The following CHD1L variants were observed in gnomAD, a reference collection of about 807,000 sequenced individuals.
CHD1L encodes the protein chromodomain helicase DNA binding protein 1 like, also known as ATP-dependent chromatin remodeler CHD1L.
In CHD1L, 118 loss-of-function variants were observed where a neutral mutation model predicts 115.9. The observed-to-expected ratio is 1.02, with a 90% confidence interval of 0.88 to 1.19. CHD1L has a LOEUF of 1.19. Among genes scored for constraint, CHD1L ranks in the 50% most tolerant of loss-of-function variants. The probability of loss-of-function intolerance (pLI) is 0.00; values close to 1 mark genes in which losing one functional copy is unlikely to be tolerated. For synonymous variants in CHD1L, 411 were observed against 387.1 expected (o/e 1.06, Z -0.72); for missense variants, 1,179 against 1,065.3 (o/e 1.11, Z -1.49).
chr1:147,232,710 G>A, the CHD1L span, among the ~76,000 whole-genome samples: 12 of 150,304 alleles, frequency 8.0e-5, no homozygotes, highest in Non-Finnish European at 1.3e-4. Context: ...TGTGTTGGCC[G>A]GGCTGGTCTC....
At chr1:147,268,553 A>C (rs1674871213) in intron 9 of CHD1L, among the ~76,000 whole-genome samples, 1 of 152,130 alleles carries the variant, frequency 6.6e-6, no homozygotes, top group Admixed American at 6.5e-5. Flanking sequence ...CTTGACCTTT[A>C]GCATCTTCTT....
chr1:147,294,314 G>A, intron 21 of CHD1L, 95 bp from the exon 22 acceptor site: 1 of 720,346 alleles, frequency 1.4e-6, no homozygotes, highest in Non-Finnish European at 2.2e-6. Flanking sequence ...TGGGCTTTGA[G>A]GGAGATAGTC....
At chr1:147,273,118 G>A (rs1443802749) in intron 12 of CHD1L, among the ~76,000 whole-genome samples, 4 of 152,110 alleles carry the variant, frequency 2.6e-5, no homozygotes, top group Non-Finnish European at 5.9e-5. Flanking sequence ...CAGGAGAACC[G>A]CTGGAATCCA....
At chr1:147,252,536 T>C in intron 1 of CHD1L, 87 bp from the exon 2 acceptor site, 1 of 979,978 alleles carries the variant, frequency 1.0e-6, no homozygotes, top group Non-Finnish European at 1.6e-6. Flanking sequence ...GAATTTAGGC[T>C]GTGTTCCTCA....
the CHD1L span, among the ~76,000 whole-genome samples, chr1:147,193,347 G>T: frequency 6.6e-6 from 1 of 152,054 alleles, no homozygotes; most frequent in Admixed American, 6.5e-5. Flanking sequence ...TGTGGGATCG[G>T]TGGTGATATC....
At chr1:147,226,239 G>A in the CHD1L span, among the ~76,000 whole-genome samples, 1 of 151,588 alleles carries the variant, frequency 6.6e-6, no homozygotes, top group Non-Finnish European at 1.5e-5. Flanking sequence ...TTCCGCCCCC[G>A]GCTCACCTAT....
chr1:147,242,721 T>A lies in CHD1L; in HGVS notation c.18T>A (p.Ala6=). MERAG[A]TSRGGQAPGF... ...CCGGCCCGATGGAGCGCGCGGGCGC[T>A]ACTAGCCGCGGGGGCCAAGCCCCTG... The change falls in exon 1 of 23, where the codon GCT becomes GCA. Residue 6 remains alanine, a synonymous_variant. Transcript: ENST00000369258. 1 of 1,257,846 alleles carries A rather than the reference T, an allele frequency of 8.0e-7. No individual in the cohort carries two copies. The highest frequency in any genetic ancestry group is 1.0e-6 in the Non-Finnish European group (1 of 996,904). The allele number at this position is 1,257,846 out of a possible 1,614,324, so 77.9% of individuals were successfully genotyped here. A position where few individuals can be genotyped will look rare whatever the true frequency, so the allele number is the denominator to read the frequency against.
At chr1:147,197,345 C>G in the CHD1L span, among the ~76,000 whole-genome samples, 1 of 152,104 alleles carries the variant, frequency 6.6e-6, no homozygotes, top group Non-Finnish European at 1.5e-5. Context: ...TACTGGAGCA[C>G]TTGTTTAGGA....
rs1295844809 is a variant in CHD1L, at chr1:147,254,851, T to C, written c.241-19T>C. ...TGGGGAAATGTGATCAAAACTGCCT[T>C]TCTTTTTCTGTGTTCCAGACTATTG... On this transcript the variant is annotated intron_variant, in intron 2 of 22. Transcript: ENST00000369258. The C allele has an allele frequency of 1.3e-6, 2 of 1,562,386 alleles. No homozygotes were observed. Among genetic ancestry groups the C allele is most frequent in the Non-Finnish European group, 1.7e-6 (2 of 1,152,844 alleles).
Position 147,249,404 on chromosome 1 carries a change from A to AT in CHD1L, c.128-3199dup, listed in dbSNP as rs59773572. Among the ~76,000 whole-genome samples the AT allele has an allele frequency of 2.9e-3, 273 of 94,136 alleles. 22 individuals carry two copies. Among genetic ancestry groups the AT allele is most frequent in the Admixed American group, 4.1e-3 (26 of 6,416 alleles). 61.8% of individuals were successfully genotyped at this position (94,136 alleles called of 152,430 possible). A position where few individuals can be genotyped will look rare whatever the true frequency, so the allele number is the denominator to read the frequency against. ...TTAATAATTACATATCTTGGTGTGT[A>AT]TTTTTTTTTTTTTTTTTTTTGAGAT... On this transcript the variant is annotated intron_variant, in intron 1 of 22. Coordinates refer to ENST00000369258, the MANE Select transcript of CHD1L (RefSeq NM_004284.6).
At chr1:147,203,211 C>G in the CHD1L span, 6 of 848,696 alleles carry the variant, frequency 7.1e-6, no homozygotes, top group Non-Finnish European at 9.3e-6. Flanking sequence ...AAGAAAACAT[C>G]ACGCGATTCT....
In CHD1L at chr1:147,276,201, G is replaced by C. The variant is rs962246846; in HGVS notation, c.1483G>C (p.Glu495Gln). ...SKLQLTNMIIEGGHFTLGAQK... is the reference protein window; with the variant it reads ...SKLQLTNMIIQGGHFTLGAQK... ...ACTGCAGCTCACCAACATGATCATA[G>C]AAGGAGGCCATTTTACTCTGGGAGC... Residue 495 changes from glutamate to glutamine, a missense_variant, in exon 14 of 23, where the codon GAA (glutamate) becomes CAA (glutamine). Coordinates refer to ENST00000369258, the MANE Select transcript of CHD1L (RefSeq NM_004284.6). The C allele has an allele frequency of 6.2e-7, 1 of 1,614,100 alleles. No individual in the cohort carries two copies. The highest frequency in any genetic ancestry group is 1.3e-5 in the African/African-American group (1 of 74,926).
rs782668695 is a variant in CHD1L at position 147,272,186 on chromosome 1, G to C, written c.1175G>C (p.Arg392Pro). Residue 392 changes from arginine (R) to proline (P), a missense_variant, in exon 12 of 23, where the codon CGT (arginine) becomes CCT (proline). By Grantham distance (103) the Arg-to-Pro change is moderately radical. Coordinates refer to ENST00000369258, the MANE Select transcript of CHD1L (RefSeq NM_004284.6). Reference protein sequence around the residue: ...YMDYRGYSYERVDGSVRGEER... With the variant: ...YMDYRGYSYEPVDGSVRGEER... ...CTCTGTAAAGGCTACAGCTATGAGC[G>C]TGTGGATGGTTCTGTGAGAGGAGAA... The C allele has an allele frequency of 1.3e-5, 21 of 1,613,544 alleles. No individual in the cohort carries two copies. The highest frequency in any genetic ancestry group is 1.7e-5 in the Non-Finnish European group (20 of 1,179,618).
the CHD1L span, chr1:147,190,375 T>C: frequency 1.7e-6 from 1 of 597,190 alleles, no homozygotes; most frequent in Non-Finnish European, 2.9e-6. Context: ...TCAAGGAGGT[T>C]ACAATTCACT....
intron 15 of CHD1L, among the ~76,000 whole-genome samples, 163 bp downstream of exon 15, chr1:147,280,354 A>G (rs587744120): frequency 2.6e-5 from 4 of 152,226 alleles, no homozygotes; most frequent in Admixed American, 2.0e-4. Context: ...AAAGAACGTT[A>G]CCCAAACTAA....
chr1:147,226,468 T>C, the CHD1L span, among the ~76,000 whole-genome samples: 904 of 152,234 alleles, frequency 5.9e-3, 4 homozygotes, highest in Non-Finnish European at 9.4e-3. Context: ...CACACAGTTA[T>C]ATTAGTAACC....
At chr1:147,173,358 G>C in the CHD1L span, 1 of 152,314 alleles carries the variant, frequency 6.6e-6, no homozygotes, top group Non-Finnish European at 1.5e-5. Context: ...GGAGCTTTCA[G>C]CCCGACTGGG....
the CHD1L span, among the ~76,000 whole-genome samples, chr1:147,183,447 G>A: frequency 0.18 from 27,642 of 152,068 alleles, 3,176 homozygotes; most frequent in South Asian, 0.26. Flanking sequence ...CACTACATTA[G>A]GCACTAGGAA....
chr1:147,227,608 A>T, the CHD1L span, among the ~76,000 whole-genome samples: 1 of 152,228 alleles, frequency 6.6e-6, no homozygotes, highest in African/African-American at 2.4e-5. Flanking sequence ...TTGAAAAATA[A>T]CTTGATACAT....
Sources: allele counts gnomAD v4.1 joint callset (sites outside exome capture counted in the v4.1 genomes callset), GRCh38; gene constraint gnomAD v4.1.1; transcripts MANE v1.5; gene names NCBI Gene and HGNC (gene_info 2026-07-23, HGNC 2026-07-21).